The following RBM20 variants were observed in gnomAD, a reference collection of about 807,000 sequenced individuals.
RBM20 encodes the protein RNA-binding protein 20.
A neutral mutation model predicts 110.1 loss-of-function variants in RBM20; 51 were observed. The ratio of observed to expected loss-of-function variants is 0.46; its 90% confidence interval spans 0.37 to 0.59. The LOEUF is 0.59. RBM20 is among the 20% of genes least tolerant of loss of function. RBM20 has a pLI of 0.00. For synonymous variants in RBM20, 589 were observed against 618.2 expected (o/e 0.95, Z 0.70); for missense variants, 1,512 against 1,574.9 (o/e 0.96, Z 0.68).
intron 1 of RBM20, among the ~76,000 whole-genome samples, chr10:110,765,852 C>T (rs1426156817): frequency 6.6e-6 from 1 of 152,094 alleles, no homozygotes; most frequent in Non-Finnish European, 1.5e-5. Flanking sequence ...TTCTTTCTTG[C>T]AATTCTGAGA....
intron 1 of RBM20, among the ~76,000 whole-genome samples, chr10:110,664,700 T>G (rs1862152266): frequency 6.6e-6 from 1 of 152,100 alleles, no homozygotes; most frequent in African/African-American, 2.4e-5. Context: ...TGAGCCGAGA[T>G]GGTGCCACTG....
intron 1 of RBM20, among the ~76,000 whole-genome samples, chr10:110,718,931 T>C (rs4436480): frequency 0.99 from 150,825 of 152,318 alleles, 74,682 homozygotes; most frequent in East Asian, 1. Flanking sequence ...CTACTTCTTT[T>C]TTATTAAAGA....
chr10:110,799,216 C>T (rs1844590386), intron 6 of RBM20, among the ~76,000 whole-genome samples: 2 of 152,148 alleles, frequency 1.3e-5, no homozygotes, highest in South Asian at 4.1e-4. Context: ...GGGATCAGCT[C>T]AAGGCCACAT....
chr10:110,644,367 C>T lies in RBM20; in HGVS notation c.-88C>T, dbSNP rs1861834042. ...CCGGGAAGGACAAGGGGACTGGGCA[C>T]GGGGACCCCGGCCAGTGAGCGCCCG... On this transcript the variant is annotated 5_prime_UTR_variant, in exon 1 of 14. In the 5' UTR this introduces an upstream ATG that the reference lacks. Transcript: ENST00000369519. The surrounding 1 kb of genome is among the most constrained non-coding windows in gnomAD (Gnocchi z 4.3). 1 of 1,118,854 alleles carries T rather than the reference C, an allele frequency of 8.9e-7. No individual in the cohort carries two copies. Among genetic ancestry groups the T allele is most frequent in the African/African-American group, 1.6e-5 (1 of 60,882 alleles). 69.3% of individuals were successfully genotyped at this position (1,118,854 alleles called of 1,614,324 possible).
chr10:110,666,633 G>C (rs901010044), intron 1 of RBM20, among the ~76,000 whole-genome samples: 2 of 152,090 alleles, frequency 1.3e-5, no homozygotes, highest in Admixed American at 6.6e-5. Flanking sequence ...GTGACAGAGA[G>C]AGACCCTGTC....
chr10:110,800,166 A>T (rs2135079480), intron 7 of RBM20, among the ~76,000 whole-genome samples: 2 of 152,346 alleles, frequency 1.3e-5, no homozygotes, highest in South Asian at 4.1e-4. Context: ...CCAGAAGAAG[A>T]TGTTCACAGG....
intron 1 of RBM20, among the ~76,000 whole-genome samples, chr10:110,754,097 T>C (rs1270119109): frequency 6.6e-6 from 1 of 152,228 alleles, no homozygotes; most frequent in African/African-American, 2.4e-5. Flanking sequence ...CTGAATATCT[T>C]TGGGGGTCAT....
chr10:110,822,587 G>T (rs1844928901), intron 11 of RBM20: 2 of 418,662 alleles, frequency 4.8e-6, no homozygotes, highest in Admixed American at 5.6e-5. Flanking sequence ...TCCATCAGGG[G>T]GTTTGGGGGG....
chr10:110,707,610 GA>G (rs146760937), intron 1 of RBM20, among the ~76,000 whole-genome samples: 19,897 of 152,144 alleles, frequency 0.13, 1,415 homozygotes, highest in African/African-American at 0.15. Context: ...GCAATAACAT[GA>G]ATGAAACTGG....
At chr10:110,828,785 A>G (rs1428593263) in intron 12 of RBM20, among the ~76,000 whole-genome samples, 1 of 152,102 alleles carries the variant, frequency 6.6e-6, no homozygotes, top group Non-Finnish European at 1.5e-5. Flanking sequence ...TTTTCTCTCC[A>G]TGACACTGTG....
chr10:110,837,883 C>T lies in RBM20; in HGVS notation c.*1905C>T, dbSNP rs749924573. On this transcript the variant is annotated 3_prime_UTR_variant, in exon 14 of 14. Transcript: ENST00000369519. The stretch of plus-strand genomic sequence containing the variant: ...GAAGCAAGAAACCTGAACTCATCAT[C>T]AGGCTATTAAATAAAATTTATAGGA... 6.6e-6 allele frequency: 1 copy of T among 152,162 alleles called. No individual in the cohort carries two copies. The highest frequency in any genetic ancestry group is 2.4e-5 in the African/African-American group (1 of 41,434). 9.4% of individuals were successfully genotyped at this position (152,162 alleles called of 1,614,324 possible).
intron 1 of RBM20, among the ~76,000 whole-genome samples, chr10:110,747,301 G>A (rs181936486): frequency 0.014 from 2,182 of 150,914 alleles, 69 homozygotes; most frequent in Admixed American, 0.066. Context: ...TTTTTTGGGG[G>A]GGGGGGTCAT....
chr10:110,715,020 G>A (rs1318602034), intron 1 of RBM20, among the ~76,000 whole-genome samples: 1 of 152,230 alleles, frequency 6.6e-6, no homozygotes, highest in African/African-American at 2.4e-5. Flanking sequence ...GGTCGAGGCA[G>A]GCAGATCACG....
Position 110,835,881 on chromosome 10 carries a change from A to G in RBM20, c.3587A>G (p.Gln1196Arg). ...HYRNLQKYLS[Q>R]LAEEGLKETE... The stretch of plus-strand genomic sequence containing the variant: ...TTCTTTCCACAGAAATATTTGTCCC[A>G]GCTGGCCGAGGAGGGCCTCAAGGAG... Residue 1196 changes from glutamine (Q) to arginine (R), a missense_variant, in exon 14 of 14, where the codon CAG (glutamine) becomes CGG (arginine). Around this residue, in one of 3 missense-constraint regions of RBM20, gnomAD observed 358 missense variants for 384.2 expected, o/e 0.93. Coordinates refer to ENST00000369519, the MANE Select transcript of RBM20 (RefSeq NM_001134363.3). The G allele has an allele frequency of 6.4e-7, 1 of 1,550,664 alleles. No individual in the cohort carries two copies. The highest frequency in any genetic ancestry group is 1.2e-5 in the South Asian group (1 of 83,954).
At chr10:110,807,768 G>A (rs1844713604) in intron 7 of RBM20, among the ~76,000 whole-genome samples, 1 of 152,214 alleles carries the variant, frequency 6.6e-6, no homozygotes, top group Admixed American at 6.5e-5. Context: ...TGGAACCTTG[G>A]GGACTCTTTT....
chr10:110,786,764 G>A (rs536450464), intron 5 of RBM20, among the ~76,000 whole-genome samples: 1 of 152,226 alleles, frequency 6.6e-6, no homozygotes, highest in African/African-American at 2.4e-5. Context: ...TCACAACCCT[G>A]CCCTGAGACC....
intron 1 of RBM20, among the ~76,000 whole-genome samples, chr10:110,698,109 T>C (rs1215422019): frequency 6.6e-6 from 1 of 152,008 alleles, no homozygotes; most frequent in East Asian, 1.9e-4. Context: ...GGGGTTTTAC[T>C]GTGTTAGCCA....
intron 1 of RBM20, among the ~76,000 whole-genome samples, chr10:110,701,160 C>T (rs761176174): frequency 6.6e-6 from 1 of 152,156 alleles, no homozygotes. Context: ...TTTGGGATAC[C>T]TGTGTGAGCC....
chr10:110,831,534 T>G, intron 13 of RBM20: 2 of 173,792 alleles, frequency 1.2e-5, no homozygotes, highest in Non-Finnish European at 2.5e-5. Context: ...TCTCCCTCTA[T>G]ACTGTGAGTA....
Sources: allele counts gnomAD v4.1 joint callset (sites outside exome capture counted in the v4.1 genomes callset), GRCh38; gene constraint gnomAD v4.1.1; regional missense constraint gnomAD v4.1.1; non-coding constraint Gnocchi (gnomAD v3.1); transcripts MANE v1.5; gene names NCBI Gene and HGNC (gene_info 2026-07-23, HGNC 2026-07-21).